Variants in EGF observed in about 807,000 individuals in gnomAD.
EGF encodes the protein pro-epidermal growth factor.
Under a neutral mutation model 143.8 loss-of-function variants are expected in EGF, and 95 were observed. That is an observed-to-expected ratio of 0.66 (90% CI 0.56 to 0.78). The LOEUF (loss-of-function observed/expected upper bound fraction) is 0.78. Ranked by LOEUF, EGF falls within the 30% of genes least tolerant of loss-of-function variation. The pLI is 0.00. For missense variants in EGF, 1,320 were observed against 1,470.9 expected (o/e 0.90, Z 1.68); for synonymous variants, 510 against 510.5 (o/e 1.00, Z 0.01).
At chr4:109,953,253 C>T (rs1447237443) in intron 5 of EGF, among the ~76,000 whole-genome samples, 1 of 152,188 alleles carries the variant, frequency 6.6e-6, no homozygotes, top group Non-Finnish European at 1.5e-5. Flanking sequence ...TCAGAGGTCA[C>T]CAGCCTGGTC....
intron 23 of EGF, among the ~76,000 whole-genome samples, chr4:110,009,684 C>T (rs1753758761): frequency 6.6e-6 from 1 of 152,062 alleles, no homozygotes; most frequent in Admixed American, 6.5e-5. Flanking sequence ...CCAGCTGTCT[C>T]ATAAATGCCT....
chr4:109,968,557 A>G (rs11568977), intron 10 of EGF, among the ~76,000 whole-genome samples: 1,822 of 152,268 alleles, frequency 0.012, 36 homozygotes, highest in African/African-American at 0.04. Context: ...TGTGCCAGAT[A>G]CATGGCTAAG....
chr4:109,983,338 G>A, intron 15 of EGF, 84 bp from the exon 16 acceptor site: 2 of 1,478,610 alleles, frequency 1.4e-6, no homozygotes, highest in Non-Finnish European at 9.3e-7. Context: ...CACAACCAAT[G>A]AATAGTCGTA....
intron 5 of EGF, among the ~76,000 whole-genome samples, chr4:109,945,835 A>G (rs368689884): frequency 3.3e-5 from 5 of 152,220 alleles, no homozygotes; most frequent in African/African-American, 1.2e-4. Context: ...AAGTTTGTTA[A>G]TGTAGGTACC....
chr4:109,913,413 G>C lies in EGF; in HGVS notation c.78G>C (p.Trp26Cys). 6.2e-7 allele frequency: 1 copy of C among 1,613,944 alleles called. No homozygotes were observed. The highest frequency in any genetic ancestry group is 8.5e-7 in the Non-Finnish European group (1 of 1,179,914). Reference sequence around the variant, plus strand: ...TTAGTCTCTCAGCACCGCAGCACTGGAGCTGTCCTGAAGGTACTCTCGCAG... The same window carrying C: ...TTAGTCTCTCAGCACCGCAGCACTGCAGCTGTCCTGAAGGTACTCTCGCAG... ...SFVSLSAPQH[W>C]SCPEGTLAGN... The change falls in exon 1 of 24, where the codon TGG becomes TGC. Residue 26 changes from tryptophan (W) to cysteine (C), a missense_variant. By Grantham distance (215) the Trp-to-Cys change is radical (BLOSUM62 -2). Around this residue, in one of 5 missense-constraint regions of EGF, gnomAD observed 79 missense variants for 71.2 expected, o/e 1.11. Coordinates refer to ENST00000265171, the MANE Select transcript of EGF (RefSeq NM_001963.6).
chr4:109,918,637 G>T (rs528625974), intron 1 of EGF, among the ~76,000 whole-genome samples: 33 of 152,064 alleles, frequency 2.2e-4, no homozygotes, highest in Admixed American at 9.2e-4. Flanking sequence ...CTCATGTACT[G>T]TCCCTTTCCC....
At chr4:109,950,181 G>C (rs994184009) in intron 5 of EGF, among the ~76,000 whole-genome samples, 2 of 152,084 alleles carry the variant, frequency 1.3e-5, no homozygotes, top group Non-Finnish European at 2.9e-5. Context: ...TGGATTTCTT[G>C]CAAGTGTTTC....
chr4:110,006,183 T>TA (rs11287078), intron 22 of EGF, among the ~76,000 whole-genome samples: 43 of 147,676 alleles, frequency 2.9e-4, no homozygotes, highest in Middle Eastern at 3.5e-3. Flanking sequence ...TTAAAAAGAT[T>TA]AAAAAAAAAA....
chr4:109,963,087 A>G, intron 8 of EGF, 86 bp from the exon 9 acceptor site: 1 of 1,525,798 alleles, frequency 6.6e-7, no homozygotes, highest in South Asian at 1.2e-5. Flanking sequence ...AAAAATTAAC[A>G]AATGGTTGAC....
intron 5 of EGF, among the ~76,000 whole-genome samples, chr4:109,949,346 C>T (rs1326829855): frequency 6.6e-6 from 1 of 152,156 alleles, no homozygotes; most frequent in Non-Finnish European, 1.5e-5. Context: ...GGATTACAGG[C>T]TTGAGCCGCC....
At chr4:109,922,044 A>G (rs1350495360) in intron 1 of EGF, among the ~76,000 whole-genome samples, 1 of 151,460 alleles carries the variant, frequency 6.6e-6, no homozygotes, top group Non-Finnish European at 1.5e-5. Context: ...GAAGTGCATA[A>G]TTATTCTGTT....
intron 1 of EGF, among the ~76,000 whole-genome samples, chr4:109,917,918 C>T (rs972561506): frequency 2.0e-5 from 3 of 152,154 alleles, no homozygotes; most frequent in African/African-American, 7.2e-5. Flanking sequence ...CCACGACTGG[C>T]CTCAGTTGGT....
In EGF at chr4:110,011,348, C is replaced by T; in HGVS notation, c.3517C>T (p.Gln1173Ter). ...CTTTCATATGCCCTCCTATGGGACA[C>T]AGACCCTTGAAGGGGGTGTCGAGAA... ...RSFHMPSYGT[Q>*]TLEGGVEKPH... is the part of the protein sequence containing the mutation. The change falls in exon 24 of 24, where the codon CAG becomes TAG. Residue 1173 changes from glutamine to a stop codon, truncating the protein, a stop_gained. Coordinates refer to ENST00000265171, the MANE Select transcript of EGF (RefSeq NM_001963.6). LOFTEE classifies it low-confidence loss of function (END_TRUNC). 1 of 1,614,154 alleles carries T rather than the reference C, an allele frequency of 6.2e-7. No homozygotes were observed.
At chr4:109,945,462 C>T (rs1259189117) in intron 5 of EGF, among the ~76,000 whole-genome samples, 187 bp downstream of exon 5, 3 of 152,054 alleles carry the variant, frequency 2.0e-5, no homozygotes, top group Non-Finnish European at 4.4e-5. Context: ...GAAGGCCAGG[C>T]ATGGTGGCTC....
chr4:109,993,885 C>T (rs1007232592), intron 19 of EGF, among the ~76,000 whole-genome samples: 3 of 152,094 alleles, frequency 2.0e-5, no homozygotes, highest in African/African-American at 7.2e-5. Context: ...AACATCTCAC[C>T]ATCAGCACCC....
chr4:109,919,635 G>T lies in EGF; in HGVS notation c.127+6173G>T, dbSNP rs150896325. Among the ~76,000 whole-genome samples, 804 of 147,672 alleles carry T rather than the reference G, an allele frequency of 5.4e-3. 43 individuals carry two copies. The highest frequency in any genetic ancestry group is 0.021 in the African/African-American group (773 of 37,272). On this transcript the variant is annotated intron_variant, in intron 1 of 23. Transcript: ENST00000265171. ...GATCTCACTTGTGCTCAGGTGAAAT[G>T]GTACATGAGTGACAGGTAGGGGGGA...
chr4:110,011,672 C>A lies in EGF; in HGVS notation c.*217C>A. 1.4e-6 allele frequency: 1 copy of A among 691,534 alleles called. No individual in the cohort carries two copies. 42.8% of individuals were successfully genotyped at this position (691,534 alleles called of 1,614,324 possible). On this transcript the variant is annotated 3_prime_UTR_variant, in exon 24 of 24. Coordinates refer to ENST00000265171, the MANE Select transcript of EGF (RefSeq NM_001963.6). ...TTCCAAGTAAGAGTACTGGGAGAATCACTAGGTAACTTATTAGAAACCCAA... is the reference window on the plus strand; with the variant it reads ...TTCCAAGTAAGAGTACTGGGAGAATAACTAGGTAACTTATTAGAAACCCAA...
intron 11 of EGF, among the ~76,000 whole-genome samples, chr4:109,972,401 T>A (rs1449356086): frequency 6.6e-6 from 1 of 152,052 alleles, no homozygotes; most frequent in East Asian, 1.9e-4. Flanking sequence ...ATCACTTAAT[T>A]CCTGCCCGAA....
At chr4:109,948,202 G>A (rs1346762635) in intron 5 of EGF, among the ~76,000 whole-genome samples, 1 of 152,198 alleles carries the variant, frequency 6.6e-6, no homozygotes, top group African/African-American at 2.4e-5. Flanking sequence ...TCTGGAACCT[G>A]GAAGACAGTT....
Sources: gnomAD v4.1 joint callset for allele counts (sites outside exome capture counted in the v4.1 genomes callset) on GRCh38, gnomAD v4.1.1 for gene constraint, gnomAD v4.1.1 regional missense constraint, MANE v1.5 for transcripts, NCBI Gene and HGNC (gene_info 2026-07-23, HGNC 2026-07-21) for gene names.